ASH1L: variants seen among roughly 807,000 people sequenced by gnomAD.
ASH1L encodes histone-lysine N-methyltransferase ASH1L.
Under a neutral mutation model 269.0 loss-of-function variants are expected in ASH1L, and 23 were observed. The observed-to-expected ratio is 0.09, with a 90% CI of 0.06 to 0.12. The LOEUF is 0.12. ASH1L is among the 10% of genes least tolerant of loss of function. The pLI is 1.00. For synonymous variants in ASH1L, 1,187 were observed against 1,253.5 expected (o/e 0.95, Z 1.12); for missense variants, 2,912 against 3,567.8 (o/e 0.82, Z 4.68).
At chr1:155,423,928 T>C (rs922111202) in intron 5 of ASH1L, among the ~76,000 whole-genome samples, 1 of 152,116 alleles carries the variant, frequency 6.6e-6, no homozygotes, top group African/African-American at 2.4e-5. Flanking sequence ...GGTTTCACCA[T>C]GTCGGCCAGG....
intron 25 of ASH1L, 108 bp downstream of exon 25, chr1:155,341,828 G>A: frequency 8.7e-7 from 1 of 1,149,220 alleles, no homozygotes. Flanking sequence ...GTTTGGGATG[G>A]AATTTGGATG....
chr1:155,498,511 G>A (rs1005547819), intron 2 of ASH1L, among the ~76,000 whole-genome samples: 20 of 151,412 alleles, frequency 1.3e-4, no homozygotes, highest in African/African-American at 4.1e-4. Context: ...GCATTATCTC[G>A]GCTCACCGCA....
At chr1:155,472,818 A>T (rs979434399) in intron 3 of ASH1L, among the ~76,000 whole-genome samples, 6 of 152,188 alleles carry the variant, frequency 3.9e-5, no homozygotes, top group South Asian at 2.1e-4. Flanking sequence ...GCAATTTTTT[A>T]AAAAGTGTAG....
chr1:155,519,177 G>A (rs1668699532), intron 2 of ASH1L, among the ~76,000 whole-genome samples: 1 of 152,186 alleles, frequency 6.6e-6, no homozygotes, highest in Admixed American at 6.5e-5. Flanking sequence ...GCTCACGCCT[G>A]TCATCCCAGC....
chr1:155,441,298 C>T (rs909656308), intron 4 of ASH1L, among the ~76,000 whole-genome samples: 6 of 151,580 alleles, frequency 4.0e-5, no homozygotes, highest in East Asian at 1.9e-4. Flanking sequence ...TCTATCTCCA[C>T]CCCCCACTCC....
At chr1:155,560,167 A>C (rs1049395325) in intron 1 of ASH1L, among the ~76,000 whole-genome samples, 1 of 152,210 alleles carries the variant, frequency 6.6e-6, no homozygotes, top group African/African-American at 2.4e-5. Context: ...ATGAGACCTA[A>C]ATATAAATTG....
intron 2 of ASH1L, among the ~76,000 whole-genome samples, chr1:155,505,021 A>AAAAC (rs1209156253): frequency 2.0e-5 from 3 of 152,286 alleles, no homozygotes; most frequent in East Asian, 1.9e-4. Context: ...CACAAACTTA[A>AAAAC]AAACAAACAA....
intron 25 of ASH1L, among the ~76,000 whole-genome samples, chr1:155,341,375 A>C (rs1487088784): frequency 1.3e-5 from 2 of 152,016 alleles, no homozygotes; most frequent in East Asian, 3.9e-4. Context: ...AGGGGGTTTC[A>C]CCGTGTTAGC....
intron 2 of ASH1L, among the ~76,000 whole-genome samples, chr1:155,503,946 C>G (rs1421184370): frequency 6.6e-6 from 1 of 152,172 alleles, no homozygotes; most frequent in Non-Finnish European, 1.5e-5. Flanking sequence ...TGGTCTTGAA[C>G]TCCTGAGCTC....
Position 155,335,646 on chromosome 1 carries a change from C to T in ASH1L, c.*2014G>A, listed in dbSNP as rs954326885. 6.6e-6 allele frequency: 1 copy of T among 152,604 alleles called. No individual in the cohort carries two copies. The highest frequency in any genetic ancestry group is 1.5e-5 in the Non-Finnish European group (1 of 68,020). 9.5% of individuals were successfully genotyped at this position (152,604 alleles called of 1,614,324 possible). On this transcript the variant is annotated 3_prime_UTR_variant, in exon 28 of 28. Transcript: ENST00000392403. The stretch of plus-strand genomic sequence containing the variant: ...AAGAAAAAACAAGTTTTTGCACTTA[C>T]CTAACATTTGATTGTCTAAAAAACA...
chr1:155,489,795 AAAAT>A (rs754645316), intron 2 of ASH1L, among the ~76,000 whole-genome samples: 12,229 of 141,456 alleles, frequency 0.086, 657 homozygotes, highest in Middle Eastern at 0.12. Context: ...ACACTGTCTC[AAAAT>A]AAATAAATAA....
chr1:155,507,243 G>A (rs1355129354), intron 2 of ASH1L, among the ~76,000 whole-genome samples: 1 of 147,612 alleles, frequency 6.8e-6, no homozygotes, highest in African/African-American at 2.5e-5. Flanking sequence ...TCGCGCCATG[G>A]CACTCCAGCC....
At chr1:155,511,153 AAAG>A (rs1668135584) in intron 2 of ASH1L, among the ~76,000 whole-genome samples, 1 of 152,354 alleles carries the variant, frequency 6.6e-6, no homozygotes, top group South Asian at 2.1e-4. Context: ...TAAAGGAAAT[AAAG>A]AAGACGAATA....
At chr1:155,436,777 G>A (rs1362954814) in intron 5 of ASH1L, among the ~76,000 whole-genome samples, 1 of 151,676 alleles carries the variant, frequency 6.6e-6, no homozygotes, top group Non-Finnish European at 1.5e-5. Context: ...TTACAGGCGT[G>A]AGCCACCACG....
At position 155,478,981 on chromosome 1, in the gene ASH1L, G is replaced by A; in HGVS notation, c.3889C>T (p.Arg1297Cys). 5 of 1,613,530 alleles carry A rather than the reference G, an allele frequency of 3.1e-6. No homozygotes were observed. The highest frequency in any genetic ancestry group is 3.4e-6 in the Non-Finnish European group (4 of 1,180,008). The change falls in exon 3 of 28, where the codon CGC becomes TGC. Residue 1297 changes from arginine to cysteine, a missense_variant. Around this residue, in one of 13 missense-constraint regions of ASH1L, gnomAD observed 789 missense variants for 897.6 expected, o/e 0.88. Transcript: ENST00000392403. This position sits in a 1 kb window ranked among gnomAD's most constrained non-coding sequence, Gnocchi z 4.6. ...FIAELEELIS[R>C]LSEIRITHRS... ...TGAGTGATCCGAATTTCACTTAGGC[G>A]ACTTATTAGTTCCTCCAGCTCTGCA...
At chr1:155,428,728 T>C (rs1323566287) in intron 5 of ASH1L, among the ~76,000 whole-genome samples, 1 of 152,192 alleles carries the variant, frequency 6.6e-6, no homozygotes, top group African/African-American at 2.4e-5. Flanking sequence ...GCCAAACCCA[T>C]CCCTTTATTT....
intron 10 of ASH1L, among the ~76,000 whole-genome samples, chr1:155,375,561 A>C (rs182751240): frequency 3.3e-5 from 5 of 152,230 alleles, no homozygotes; most frequent in Admixed American, 3.3e-4. Context: ...CTGAGGCAAG[A>C]GGATCACCTG....
At chr1:155,457,060 C>A (rs1230141618) in intron 4 of ASH1L, among the ~76,000 whole-genome samples, 2 of 152,172 alleles carry the variant, frequency 1.3e-5, no homozygotes, top group Non-Finnish European at 2.9e-5. Flanking sequence ...GGTACAGGTT[C>A]TCTGTTAGCC....
At chr1:155,540,598 A>T (rs1168406359) in intron 1 of ASH1L, among the ~76,000 whole-genome samples, 1 of 152,090 alleles carries the variant, frequency 6.6e-6, no homozygotes, top group African/African-American at 2.4e-5. Flanking sequence ...GCAAAACCCC[A>T]TCTCTACAAA....
Sources: gnomAD v4.1 joint callset for allele counts (sites outside exome capture counted in the v4.1 genomes callset) on GRCh38, gnomAD v4.1.1 for gene constraint, gnomAD v4.1.1 regional missense constraint, Gnocchi (gnomAD v3.1) non-coding constraint, MANE v1.5 for transcripts, NCBI Gene and HGNC (gene_info 2026-07-23, HGNC 2026-07-21) for gene names.